The following ADK variants were observed in gnomAD, a reference collection of about 807,000 sequenced individuals.
ADK encodes N6,N6-dimethyladenosine kinase.
ADK carries 24 observed loss-of-function variants against 44.7 expected under a neutral mutation model. That is an observed-to-expected ratio of 0.54 (90% CI 0.39 to 0.76). The LOEUF (loss-of-function observed/expected upper bound fraction) is 0.76, where lower values mean the gene tolerates loss of function less well. Ranked by LOEUF, ADK falls within the 30% of genes least tolerant of loss-of-function variation. The pLI is 0.00. For synonymous variants in ADK, 128 were observed against 142.6 expected (o/e 0.90, Z 0.73); for missense variants, 321 against 425.1 (o/e 0.76, Z 2.15).
At chr10:74,645,659 T>A (rs1158557874) in intron 9 of ADK, among the ~76,000 whole-genome samples, 5 of 152,202 alleles carry the variant, frequency 3.3e-5, no homozygotes, top group African/African-American at 1.2e-4. Flanking sequence ...AATTGCTAGC[T>A]TTATAAATAC....
intron 9 of ADK, among the ~76,000 whole-genome samples, chr10:74,632,642 G>T (rs1853482961): frequency 6.6e-6 from 1 of 151,890 alleles, no homozygotes; most frequent in South Asian, 2.1e-4. Context: ...CCAATAATTG[G>T]ATATAAGGCC....
intron 7 of ADK, among the ~76,000 whole-genome samples, chr10:74,537,310 C>A (rs1256547310): frequency 6.6e-6 from 1 of 152,146 alleles, no homozygotes; most frequent in Non-Finnish European, 1.5e-5. Context: ...GATTGGTTAT[C>A]CTTGTTAAAG....
At chr10:74,236,680 G>A (rs187783651) in intron 3 of ADK, among the ~76,000 whole-genome samples, 7 of 152,200 alleles carry the variant, frequency 4.6e-5, no homozygotes, top group African/African-American at 1.7e-4. Context: ...GAGATATTGG[G>A]GGTTTGGTTC....
At chr10:74,299,774 T>A (rs1839939438) in intron 3 of ADK, among the ~76,000 whole-genome samples, 1 of 151,738 alleles carries the variant, frequency 6.6e-6, no homozygotes, top group South Asian at 2.1e-4. Context: ...TATTTGAATA[T>A]CATTTATTAT....
At chr10:74,420,881 C>T (rs911529116) in intron 6 of ADK, among the ~76,000 whole-genome samples, 8 of 151,886 alleles carry the variant, frequency 5.3e-5, no homozygotes, top group Admixed American at 3.3e-4. Context: ...AAATTACAAA[C>T]GACGGGAAAG....
At chr10:74,449,709 C>T (rs1331875946) in intron 6 of ADK, among the ~76,000 whole-genome samples, 2 of 151,998 alleles carry the variant, frequency 1.3e-5, no homozygotes, top group Non-Finnish European at 2.9e-5. Context: ...AGAAGTGGAA[C>T]ATGGATGATG....
Position 74,208,389 on chromosome 10 carries a change from A to G in ADK, c.140+7551A>G, listed in dbSNP as rs1363082833. ...TGTCTTTGCAGCAGCTGCTCTAGACAGCCTGCTGCTGCCATCAATGACGCT... is the reference window on the plus strand; with the variant it reads ...TGTCTTTGCAGCAGCTGCTCTAGACGGCCTGCTGCTGCCATCAATGACGCT... On this transcript the variant is annotated intron_variant, in intron 2 of 10. Coordinates refer to ENST00000539909, the MANE Select transcript of ADK (RefSeq NM_006721.4). Among the ~76,000 whole-genome samples the G allele has an allele frequency of 3.3e-5, 5 of 152,214 alleles. No individual in the cohort carries two copies. The East Asian group carries it at 9.7e-4, about 29-fold the overall frequency.
intron 10 of ADK, among the ~76,000 whole-genome samples, chr10:74,688,659 A>T (rs528178551): frequency 6.6e-6 from 1 of 152,310 alleles, no homozygotes; most frequent in African/African-American, 2.4e-5. Flanking sequence ...TTACGCGTGT[A>T]ATCCCAGCAC....
At chr10:74,289,283 G>A (rs187260537) in intron 3 of ADK, among the ~76,000 whole-genome samples, 1 of 152,158 alleles carries the variant, frequency 6.6e-6, no homozygotes, top group African/African-American at 2.4e-5. Flanking sequence ...GAACTCCTGG[G>A]CTCAAGTGAT....
At chr10:74,346,235 T>TC (rs1564666259) in intron 4 of ADK, among the ~76,000 whole-genome samples, 1 of 152,126 alleles carries the variant, frequency 6.6e-6, no homozygotes, top group East Asian at 1.9e-4. Flanking sequence ...TGTTTTTTTT[T>TC]CTTCCCAATG....
At chr10:74,508,754 A>G (rs1387468867) in intron 6 of ADK, among the ~76,000 whole-genome samples, 1 of 151,974 alleles carries the variant, frequency 6.6e-6, no homozygotes, top group Non-Finnish European at 1.5e-5. Context: ...ATCTCTTCCC[A>G]CCATGGGTAC....
Position 74,244,290 on chromosome 10 carries a change from G to A in ADK, c.194+19699G>A, listed in dbSNP as rs943145031. On this transcript the variant is annotated intron_variant, in intron 3 of 10. Transcript: ENST00000539909. ...GATGCCCACCAGATGGTGCTATTTCGCCTGTTTTATCTGCGACAATAAGTA... is the reference window on the plus strand; with the variant it reads ...GATGCCCACCAGATGGTGCTATTTCACCTGTTTTATCTGCGACAATAAGTA... 4.6e-5 allele frequency among the ~76,000 whole-genome samples: 7 copies of A among 152,222 alleles called. No homozygotes were observed. In the South Asian group the frequency reaches 6.2e-4, roughly 14 times the overall value.
chr10:74,468,865 G>C (rs915403956), intron 6 of ADK, among the ~76,000 whole-genome samples: 2 of 152,072 alleles, frequency 1.3e-5, no homozygotes, highest in Admixed American at 6.5e-5. Flanking sequence ...TTCAATTAAA[G>C]TATCTAGTCC....
chr10:74,584,679 T>C lies in ADK; in HGVS notation c.727-4603T>C, dbSNP rs148178701. ...TTATTGAGTCAAAGTCTAATATCAT[T>C]ATAAGGCCTGTAACAGCTGTAGCAA... On this transcript the variant is annotated intron_variant, in intron 7 of 10. Transcript: ENST00000539909. 1.8e-3 allele frequency among the ~76,000 whole-genome samples: 281 copies of C among 152,288 alleles called. 2 individuals are homozygous for C. Among genetic ancestry groups the C allele is most frequent in the African/African-American group, 6.2e-3 (259 of 41,576 alleles).
chr10:74,702,049 C>T (rs989177122), intron 10 of ADK, among the ~76,000 whole-genome samples: 2 of 152,096 alleles, frequency 1.3e-5, no homozygotes, highest in Non-Finnish European at 2.9e-5. Flanking sequence ...ATGGTGAGGG[C>T]TGACTGGTAA....
At position 74,475,959 on chromosome 10, in the gene ADK, G is replaced by T. The variant is rs111558301; in HGVS notation, c.556-49297G>T. On this transcript the variant is annotated intron_variant, in intron 6 of 10. Coordinates refer to ENST00000539909, the MANE Select transcript of ADK (RefSeq NM_006721.4). ...AGAATTAGGAAATATGCTTATGTCT[G>T]CTAACTCATGTATACATAGACACAC... Among the ~76,000 whole-genome samples the T allele has an allele frequency of 3.9e-5, 6 of 152,184 alleles. 1 individual carries two copies. Among genetic ancestry groups the T allele is most frequent in the African/African-American group, 9.6e-5 (4 of 41,526 alleles).
At chr10:74,589,513 C>A (rs1224685270) in intron 8 of ADK, among the ~76,000 whole-genome samples, 196 bp downstream of exon 8, 1 of 152,090 alleles carries the variant, frequency 6.6e-6, no homozygotes, top group Non-Finnish European at 1.5e-5. Flanking sequence ...AGGTCTGCAC[C>A]CAACATCGCC....
intron 6 of ADK, chr10:74,505,980 TCTC>T (rs1274356129): frequency 6.6e-6 from 1 of 152,174 alleles, no homozygotes; most frequent in Non-Finnish European, 1.5e-5. Context: ...AGAAGTTACT[TCTC>T]CTCTTATCCA....
chr10:74,224,063 G>A (rs1305739334), intron 2 of ADK, among the ~76,000 whole-genome samples: 2 of 152,108 alleles, frequency 1.3e-5, no homozygotes, highest in Non-Finnish European at 2.9e-5. Context: ...TGGTGACAGA[G>A]TGAGACTCTA....
Sources: allele counts gnomAD v4.1 joint callset (sites outside exome capture counted in the v4.1 genomes callset), GRCh38; gene constraint gnomAD v4.1.1; transcripts MANE v1.5; gene names NCBI Gene and HGNC (gene_info 2026-07-23, HGNC 2026-07-21).